The following KLK5 variants were observed in gnomAD, a reference collection of about 807,000 sequenced individuals.
KLK5 encodes kallikrein related peptidase 5.
In KLK5, 18 loss-of-function variants were observed where a neutral mutation model predicts 24.0. The ratio of observed to expected loss-of-function variants is 0.75; its 90% CI spans 0.52 to 1.11. KLK5 has a LOEUF of 1.11. Ranked by LOEUF, KLK5 falls within the 50% of genes most tolerant of loss-of-function variation. The pLI, the probability that KLK5 is intolerant of heterozygous loss-of-function variation, is 0.00. For missense variants in KLK5, 374 were observed against 379.2 expected (o/e 0.99, Z 0.11); for synonymous variants, 140 against 154.0 (o/e 0.91, Z 0.67).
intron 3 of KLK5, 40 bp downstream of exon 3, chr19:50,949,815 C>T (rs567935727): frequency 2.6e-5 from 21 of 795,472 alleles, no homozygotes; most frequent in South Asian, 2.1e-4. Context: ...ACCCCCACTT[C>T]CCCGTCCCCA....
Position 50,949,826 on chromosome 19 carries a change from C to T in KLK5, c.335+29G>A, listed in dbSNP as rs772737342. The T allele has an allele frequency of 1.6e-5, 21 of 1,352,776 alleles. No individual in the cohort carries two copies. In the East Asian group the frequency reaches 9.1e-4, roughly 59 times the overall value. 83.8% of individuals were successfully genotyped at this position (1,352,776 alleles called of 1,614,324 possible). A position where few individuals can be genotyped will look rare whatever the true frequency, so the allele number is the denominator to read the frequency against. ...CCCCACCCCCACTTCCCCGTCCCCA[C>T]CAACCCTCCTCTTGGAACTCCCACT... On this transcript the variant is annotated intron_variant, in intron 3 of 5. Coordinates refer to ENST00000336334, the MANE Select transcript of KLK5 (RefSeq NM_012427.5).
intron 2 of KLK5, among the ~76,000 whole-genome samples, chr19:50,951,220 C>T (rs2090684870): frequency 6.6e-6 from 1 of 152,112 alleles, no homozygotes; most frequent in Non-Finnish European, 1.5e-5. Context: ...ACATGCATGC[C>T]CCACTCCATC....
At position 50,949,097 on chromosome 19, in the gene KLK5, G is replaced by C; in HGVS notation, c.354C>G (p.Leu118=). Residue 118 remains leucine (L), a synonymous_variant, in exon 4 of 6, where the codon CTC becomes CTG. Coordinates refer to ENST00000336334, the MANE Select transcript of KLK5 (RefSeq NM_012427.5). The part of the protein sequence containing the change: ...HCRKKVFRVR[L]GHYSLSPVYE... ...AAACTGGTGACAGGGAGTAGTGGCC[G>C]AGACGGACTCTGAAAACTCTGAGGA... The C allele has an allele frequency of 6.2e-7, 1 of 1,612,590 alleles. No individual in the cohort carries two copies. Among genetic ancestry groups the C allele is most frequent in the Non-Finnish European group, 8.5e-7 (1 of 1,179,898 alleles).
At chr19:50,950,365 A>C in intron 2 of KLK5, 1 of 550,878 alleles carries the variant, frequency 1.8e-6, no homozygotes, top group Non-Finnish European at 3.3e-6. Flanking sequence ...CTAGAACTAC[A>C]TGTGAGGGTA....
rs150044096 is a variant in KLK5 at position 50,952,791 on chromosome 19, C to T, written c.-56G>A. ...AGGAACCACAAGGACGGGCCACCAT[C>T]GGCACTGCGCTGAGACCCAGGCACT... On this transcript the variant is annotated 5_prime_UTR_variant, in exon 1 of 6. Coordinates refer to ENST00000336334, the MANE Select transcript of KLK5 (RefSeq NM_012427.5). 494 of 572,516 alleles carry T rather than the reference C, an allele frequency of 8.6e-4. 2 individuals carry two copies. The highest frequency in any genetic ancestry group is 5.0e-3 in the East Asian group (155 of 31,020). 35.5% of individuals were successfully genotyped at this position (572,516 alleles called of 1,614,324 possible).
At chr19:50,946,583 G>A (rs1165453667) in intron 5 of KLK5, among the ~76,000 whole-genome samples, 5 of 150,118 alleles carry the variant, frequency 3.3e-5, no homozygotes, top group African/African-American at 9.8e-5. Flanking sequence ...TTTTTGAGAC[G>A]GAGTCTCACT....
At position 50,947,660 on chromosome 19, in the gene KLK5, A is replaced by T. The variant is rs542965842; in HGVS notation, c.726+980T>A. On this transcript the variant is annotated intron_variant, in intron 5 of 5. Transcript: ENST00000336334. This position sits in a 1 kb window ranked among gnomAD's most constrained non-coding sequence, Gnocchi z 8.7. ...ATATTCTCTTGTAAAAATACCTACC[A>T]GATTTCTCTTTTCCTTCCTCAAGAT... Among the ~76,000 whole-genome samples the T allele has an allele frequency of 0.022, 1,690 of 75,760 alleles. 29 individuals carry two copies. The highest frequency in any genetic ancestry group is 0.075 in the African/African-American group (1,589 of 21,122). The allele number at this position is 75,760 out of a possible 152,430, so 49.7% of individuals were successfully genotyped here.
At chr19:50,949,797 C>T (rs1600075103) in intron 3 of KLK5, 58 bp downstream of exon 3, 1 of 213,178 alleles carries the variant, frequency 4.7e-6, no homozygotes. Flanking sequence ...CCCCACTTCC[C>T]CACCCCCACC....
rs1470770851 is a variant in KLK5, at chr19:50,948,763, A to G, written c.603T>C (p.Pro201=). 6.2e-7 allele frequency: 1 copy of G among 1,613,990 alleles called. No homozygotes were observed. Among genetic ancestry groups the G allele is most frequent in the East Asian group, 2.2e-5 (1 of 44,884 alleles). The change falls in exon 5 of 6, where the codon CCT becomes CCC. Residue 201 remains proline (P), a synonymous_variant. Coordinates refer to ENST00000336334, the MANE Select transcript of KLK5 (RefSeq NM_012427.5). The part of the protein sequence containing the change: ...GTTKSPQVHF[P]KVLQCLNISV... Reference sequence around the variant, plus strand: ...TGATATTCAAGCACTGGAGGACCTTAGGGAAGTGCACTGTCAAACAGGAAC... The same window carrying G: ...TGATATTCAAGCACTGGAGGACCTTGGGGAAGTGCACTGTCAAACAGGAAC...
At chr19:50,951,758 G>A (rs751484842) in intron 2 of KLK5, among the ~76,000 whole-genome samples, 3 of 152,118 alleles carry the variant, frequency 2.0e-5, no homozygotes, top group Admixed American at 6.5e-5. Flanking sequence ...GCAGCCTAGC[G>A]GGATCGCACA....
At chr19:50,945,877 T>G (rs2090628951) in intron 5 of KLK5, among the ~76,000 whole-genome samples, 1 of 152,188 alleles carries the variant, frequency 6.6e-6, no homozygotes, top group South Asian at 2.1e-4. Flanking sequence ...TCTACTAAAA[T>G]AAAAACAATT....
chr19:50,950,061 G>T lies in KLK5; in HGVS notation c.129C>A (p.Pro43=). 3.7e-6 allele frequency: 6 copies of T among 1,613,834 alleles called. No individual in the cohort carries two copies. The highest frequency in any genetic ancestry group is 4.2e-6 in the Non-Finnish European group (5 of 1,179,966). ...VSCDHPSNTV[P]SGSNQDLGAG... is the part of the protein sequence containing the mutation. ...CTCCCAGGTCCTGGTTGCTCCCAGA[G>T]GGCACGGTGTTAGAGGGGTGGTCAC... Residue 43 remains proline, a synonymous_variant, in exon 3 of 6, where the codon CCC becomes CCA. Coordinates refer to ENST00000336334, the MANE Select transcript of KLK5 (RefSeq NM_012427.5).
intron 3 of KLK5, 21 bp from the exon 4 acceptor site, chr19:50,949,136 C>T (rs1271585046): frequency 8.7e-6 from 14 of 1,606,356 alleles, no homozygotes; most frequent in Non-Finnish European, 1.2e-5. Context: ...TGGGGCAGGT[C>T]ACCACCAACC....
At chr19:50,948,580 C>A in intron 5 of KLK5, 60 bp downstream of exon 5, 1 of 1,581,584 alleles carries the variant, frequency 6.3e-7, no homozygotes, top group Non-Finnish European at 8.7e-7. Context: ...TTTGGCAACG[C>A]TCCATGTTAC....
At chr19:50,950,905 A>AAC (rs2090681749) in intron 2 of KLK5, among the ~76,000 whole-genome samples, 1 of 151,476 alleles carries the variant, frequency 6.6e-6, no homozygotes, top group Non-Finnish European at 1.5e-5. Flanking sequence ...AAAAAAAAAA[A>AAC]AAAGCTCTGA....
chr19:50,944,310 A>G (rs1434671757), intron 5 of KLK5, among the ~76,000 whole-genome samples: 2 of 151,908 alleles, frequency 1.3e-5, no homozygotes, highest in East Asian at 3.9e-4. Flanking sequence ...CTGGCCTCCA[A>G]GTTCAACCTT....
At chr19:50,952,004 C>T (rs563491900) in intron 2 of KLK5, among the ~76,000 whole-genome samples, 1 of 152,128 alleles carries the variant, frequency 6.6e-6, no homozygotes, top group African/African-American at 2.4e-5. Context: ...CAGACACACA[C>T]AGTCACATAC....
rs1568528155 is a variant in KLK5 at position 50,948,687 on chromosome 19, C to T, written c.679G>A (p.Asp227Asn). 6.2e-7 allele frequency: 1 copy of T among 1,614,172 alleles called. No individual in the cohort carries two copies. The change falls in exon 5 of 6, where the codon GAC (aspartate) becomes AAC (asparagine). Residue 227 changes from aspartate (D) to asparagine (N), a missense_variant. By Grantham distance (23) the Asp-to-Asn change is conservative. Coordinates refer to ENST00000336334, the MANE Select transcript of KLK5 (RefSeq NM_012427.5). ...TTGTCACCGGCGCAGAACATGGTGT[C>T]ATCTATCTGTCTCGGGTAAGCATCC... ...CEDAYPRQID[D>N]TMFCAGDKAG...
At chr19:50,946,658 C>G (rs1243957489) in intron 5 of KLK5, among the ~76,000 whole-genome samples, 5 of 151,878 alleles carry the variant, frequency 3.3e-5, no homozygotes, top group African/African-American at 4.8e-5. Flanking sequence ...CTCCCGGGTT[C>G]AGGCCATTCT....
Sources: gnomAD v4.1 joint callset for allele counts (sites outside exome capture counted in the v4.1 genomes callset) on GRCh38, gnomAD v4.1.1 for gene constraint, Gnocchi (gnomAD v3.1) non-coding constraint, MANE v1.5 for transcripts, NCBI Gene and HGNC (gene_info 2026-07-23, HGNC 2026-07-21) for gene names.